Variants in ELOVL7 observed in about 807,000 individuals in gnomAD.
ELOVL7 encodes ELOVL fatty acid elongase 7.
A neutral mutation model predicts 35.7 loss-of-function variants in ELOVL7; 27 were observed. The ratio of observed to expected loss-of-function variants is 0.76; its 90% confidence interval spans 0.56 to 1.04. The LOEUF (loss-of-function observed/expected upper bound fraction) is 1.04, where lower values mean the gene tolerates loss of function less well. Ranked by LOEUF, ELOVL7 falls within the 50% of genes least tolerant of loss-of-function variation. ELOVL7 has a pLI of 0.00. For synonymous variants in ELOVL7, 113 were observed against 114.6 expected, an observed-to-expected ratio of 0.99 and a Z score of 0.09; for missense variants, 327 against 340.8, an observed-to-expected ratio of 0.96 and a Z score of 0.32.
At chr5:60,840,572 T>C (rs1196335594) in intron 1 of ELOVL7, among the ~76,000 whole-genome samples, 1 of 152,222 alleles carries the variant, frequency 6.6e-6, no homozygotes, top group Non-Finnish European at 1.5e-5. Flanking sequence ...ACCCAGTTGG[T>C]GGTACTTTGT....
intron 1 of ELOVL7, among the ~76,000 whole-genome samples, chr5:60,838,124 A>G (rs989266062): frequency 1.3e-5 from 2 of 152,180 alleles, no homozygotes; most frequent in Non-Finnish European, 2.9e-5. Context: ...CACTGACATT[A>G]TGATAAAATC....
At chr5:60,804,549 G>T (rs896926396) in intron 1 of ELOVL7, among the ~76,000 whole-genome samples, 5 of 152,200 alleles carry the variant, frequency 3.3e-5, no homozygotes, top group African/African-American at 9.7e-5. Context: ...AAACTGTACA[G>T]ATGATAGTGA....
At chr5:60,807,083 TG>T (rs1474355901) in intron 1 of ELOVL7, among the ~76,000 whole-genome samples, 1 of 151,984 alleles carries the variant, frequency 6.6e-6, no homozygotes, top group East Asian at 1.9e-4. Context: ...CCAGCTGCAC[TG>T]GGGATGCAAA....
At chr5:60,789,939 A>G (rs1743826383) in intron 2 of ELOVL7, among the ~76,000 whole-genome samples, 1 of 152,164 alleles carries the variant, frequency 6.6e-6, no homozygotes, top group African/African-American at 2.4e-5. Flanking sequence ...GGAGTTCGAG[A>G]CTAGCCTGGC....
intron 3 of ELOVL7, among the ~76,000 whole-genome samples, chr5:60,779,613 G>A (rs1419330538): frequency 1.3e-5 from 2 of 152,122 alleles, no homozygotes; most frequent in Non-Finnish European, 2.9e-5. Flanking sequence ...AGGGAGCCCT[G>A]GGCCCAGCCC....
intron 1 of ELOVL7, among the ~76,000 whole-genome samples, chr5:60,840,103 TC>T (rs752342887): frequency 2.0e-5 from 3 of 152,176 alleles, no homozygotes; most frequent in Non-Finnish European, 4.4e-5. Context: ...TCCTACTTTC[TC>T]AATTTGCCTA....
chr5:60,774,518 A>T (rs1396276027), intron 3 of ELOVL7, among the ~76,000 whole-genome samples: 2 of 152,212 alleles, frequency 1.3e-5, no homozygotes, highest in African/African-American at 4.8e-5. Flanking sequence ...AGGGCCATCT[A>T]TGACAAACCC....
rs141805238 is a variant in ELOVL7 at position 60,803,992 on chromosome 5, C to G, written c.-85-4762G>C. On this transcript the variant is annotated intron_variant, in intron 1 of 8. Coordinates refer to ENST00000508821, the MANE Select transcript of ELOVL7 (RefSeq NM_024930.3). ...AAGATAATATATGTGCATGACCCACCAAAGTAATTCAGATTCCATTTCTGT... is the reference window on the plus strand; with the variant it reads ...AAGATAATATATGTGCATGACCCACGAAAGTAATTCAGATTCCATTTCTGT... 1.2e-3 allele frequency among the ~76,000 whole-genome samples: 188 copies of G among 152,254 alleles called. 1 individual carries two copies. Among genetic ancestry groups the G allele is most frequent in the African/African-American group, 4.3e-3 (177 of 41,538 alleles).
chr5:60,827,336 C>T (rs1456472342), intron 1 of ELOVL7, among the ~76,000 whole-genome samples: 1 of 152,152 alleles, frequency 6.6e-6, no homozygotes, highest in Non-Finnish European at 1.5e-5. Flanking sequence ...AATATTTCCT[C>T]AATGTAGGTT....
At chr5:60,834,397 G>A (rs978545500) in intron 1 of ELOVL7, among the ~76,000 whole-genome samples, 10 of 152,106 alleles carry the variant, frequency 6.6e-5, no homozygotes, top group East Asian at 3.8e-4. Context: ...CGCCCGCCTC[G>A]GCCTCCCAAA....
chr5:60,778,859 C>T (rs1225941846), intron 3 of ELOVL7, among the ~76,000 whole-genome samples: 1 of 152,186 alleles, frequency 6.6e-6, no homozygotes, highest in Non-Finnish European at 1.5e-5. Flanking sequence ...GTCCCTTCTG[C>T]CTATGAGCCT....
intron 7 of ELOVL7, among the ~76,000 whole-genome samples, chr5:60,761,433 C>G (rs908446295): frequency 6.6e-6 from 1 of 152,028 alleles, no homozygotes; most frequent in East Asian, 1.9e-4. Context: ...TTGGAATGGA[C>G]AGTTTCATTC....
intron 1 of ELOVL7, among the ~76,000 whole-genome samples, chr5:60,836,018 A>G (rs750313072): frequency 5.3e-5 from 8 of 152,042 alleles, no homozygotes; most frequent in Admixed American, 6.5e-5. Flanking sequence ...AATGAAGAGC[A>G]TAGGCTCATT....
chr5:60,827,632 A>G (rs1014525807), intron 1 of ELOVL7, among the ~76,000 whole-genome samples: 1 of 152,204 alleles, frequency 6.6e-6, no homozygotes, highest in Admixed American at 6.5e-5. Flanking sequence ...TGTTTGAAAA[A>G]GCCTAATAAT....
Position 60,754,513 on chromosome 5 carries a change from A to G in ELOVL7, c.*111T>C. The G allele has an allele frequency of 4.2e-6, 4 of 954,974 alleles. No homozygotes were observed. In the East Asian group the frequency reaches 1.1e-4, roughly 25 times the overall value. 59.2% of individuals were successfully genotyped at this position (954,974 alleles called of 1,614,324 possible). The stretch of plus-strand genomic sequence containing the variant: ...AGACATCCCAATAACTTACCATAAA[A>G]ATACAAGCTCTTAGTTTTGAAAAAT... On this transcript the variant is annotated 3_prime_UTR_variant, in exon 9 of 9. Transcript: ENST00000508821.
chr5:60,757,723 G>T, intron 7 of ELOVL7, 78 bp from the exon 8 acceptor site: 1 of 1,297,802 alleles, frequency 7.7e-7, no homozygotes, highest in Non-Finnish European at 1.0e-6. Flanking sequence ...TGAGATTTTT[G>T]TATAATTATT....
Position 60,754,016 on chromosome 5 carries a change from G to C in ELOVL7, c.*608C>G, listed in dbSNP as rs1477918201. The C allele has an allele frequency of 6.6e-6, 1 of 152,396 alleles. No individual in the cohort carries two copies. Among genetic ancestry groups the C allele is most frequent in the Non-Finnish European group, 1.5e-5 (1 of 68,212 alleles). 9.4% of individuals were successfully genotyped at this position (152,396 alleles called of 1,614,324 possible). ...AATGGGTTGTGAGGAAGTCTTATCA[G>C]CAAAACTGGTGATGGCTACTGAAAA... On this transcript the variant is annotated 3_prime_UTR_variant, in exon 9 of 9. Coordinates refer to ENST00000508821, the MANE Select transcript of ELOVL7 (RefSeq NM_024930.3).
chr5:60,782,292 A>G (rs1743303311), intron 3 of ELOVL7, among the ~76,000 whole-genome samples: 2 of 152,200 alleles, frequency 1.3e-5, no homozygotes, highest in African/African-American at 4.8e-5. Context: ...CCCTTGTACA[A>G]TGTTGGTGGG....
intron 1 of ELOVL7, among the ~76,000 whole-genome samples, chr5:60,839,019 G>A (rs1746996843): frequency 1.2e-5 from 1 of 84,302 alleles, no homozygotes; most frequent in East Asian, 4.4e-4. Context: ...ACAAAACAGT[G>A]TCAAAAAAAA....
Sources: gnomAD v4.1 joint callset for allele counts (sites outside exome capture counted in the v4.1 genomes callset) on GRCh38, gnomAD v4.1.1 for gene constraint, MANE v1.5 for transcripts, NCBI Gene and HGNC (gene_info 2026-07-23, HGNC 2026-07-21) for gene names.